NUS1: variants seen among roughly 807,000 people sequenced by gnomAD.
NUS1 encodes dehydrodolichyl diphosphate synthase complex subunit NUS1.
For missense variants in NUS1, 292 were observed against 382.9 expected (o/e 0.76, Z 1.98); for synonymous variants, 135 against 155.2 (o/e 0.87, Z 0.97).
intron 3 of NUS1, among the ~76,000 whole-genome samples, chr6:117,695,622 A>G (rs1386525979): frequency 6.6e-6 from 1 of 152,196 alleles, no homozygotes; most frequent in African/African-American, 2.4e-5. Flanking sequence ...GCTTAGGATA[A>G]ATGAAAATGT....
intron 1 of NUS1, among the ~76,000 whole-genome samples, chr6:117,685,916 C>T (rs538927556): frequency 7.4e-4 from 111 of 150,658 alleles, no homozygotes; most frequent in African/African-American, 2.7e-3. Flanking sequence ...GAGCCGAGAT[C>T]GCGCCATTGC....
intron 1 of NUS1, among the ~76,000 whole-genome samples, chr6:117,691,558 G>T (rs62431963): frequency 0.046 from 6,264 of 136,066 alleles, 253 homozygotes; most frequent in African/African-American, 0.071. Context: ...CATAGATATA[G>T]ATATATATAT....
intron 1 of NUS1, among the ~76,000 whole-genome samples, chr6:117,677,105 A>C (rs957132317): frequency 2.0e-5 from 3 of 152,170 alleles, no homozygotes; most frequent in African/African-American, 7.2e-5. Context: ...GAGTTTTTGT[A>C]AGTACAAAAA....
chr6:117,675,514 G>A lies in NUS1; in HGVS notation c.-157G>A. The A allele has an allele frequency of 2.9e-6, 2 of 688,124 alleles. No individual in the cohort carries two copies. The highest frequency in any genetic ancestry group is 4.8e-6 in the Non-Finnish European group (2 of 414,210). The allele number at this position is 688,124 out of a possible 1,614,324, so 42.6% of individuals were successfully genotyped here. On this transcript the variant is annotated 5_prime_UTR_variant, in exon 1 of 5. Coordinates refer to ENST00000368494, the MANE Select transcript of NUS1 (RefSeq NM_138459.5). ...GCCAAGGGAGGAGGAAGATGGCGGC[G>A]GGGGCGAGGTGAGGTGTTGGCAGTG...
chr6:117,688,643 G>A (rs141281733), intron 1 of NUS1, among the ~76,000 whole-genome samples: 1 of 152,184 alleles, frequency 6.6e-6, no homozygotes, highest in African/African-American at 2.4e-5. Context: ...TCATATAAGT[G>A]TTCCGAGAGC....
chr6:117,697,513 T>C (rs1016589905), intron 3 of NUS1, among the ~76,000 whole-genome samples: 4 of 152,010 alleles, frequency 2.6e-5, no homozygotes, highest in Non-Finnish European at 4.4e-5. Context: ...ACTATACTTA[T>C]ATCAGACAAA....
chr6:117,709,621 CCCT>C lies in NUS1; in HGVS notation c.*2613_*2615del, dbSNP rs1315657694. The C allele has an allele frequency of 2.6e-5, 4 of 151,772 alleles. No homozygotes were observed. Among genetic ancestry groups the C allele is most frequent in the Middle Eastern group, 3.4e-3 (1 of 294 alleles). 9.4% of individuals were successfully genotyped at this position (151,772 alleles called of 1,614,324 possible). A position where few individuals can be genotyped will look rare whatever the true frequency, so the allele number is the denominator to read the frequency against. ...TTGAATGTATGTTACTGGATTAGCT[CCCT>C]CCTCCTGTGTGATGGTACCATGCAT... On this transcript the variant is annotated 3_prime_UTR_variant, in exon 5 of 5. Coordinates refer to ENST00000368494, the MANE Select transcript of NUS1 (RefSeq NM_138459.5).
At chr6:117,705,716 G>A (rs539812029) in intron 4 of NUS1, among the ~76,000 whole-genome samples, 4 of 152,216 alleles carry the variant, frequency 2.6e-5, no homozygotes, top group East Asian at 3.9e-4. Flanking sequence ...TTGAAGAGTC[G>A]TAGGAGATGA....
chr6:117,685,964 T>TAA (rs374609117), intron 1 of NUS1, among the ~76,000 whole-genome samples: 4 of 104,180 alleles, frequency 3.8e-5, no homozygotes, highest in Admixed American at 1.0e-4. Context: ...TCCGTCTCAT[T>TAA]AAAAAAAAAA....
At chr6:117,703,958 G>A (rs1773464953) in intron 4 of NUS1, among the ~76,000 whole-genome samples, 1 of 152,168 alleles carries the variant, frequency 6.6e-6, no homozygotes, top group Non-Finnish European at 1.5e-5. Context: ...ACTGTAAAGG[G>A]TGTGGCTTGA....
At chr6:117,699,716 C>A (rs1773375110) in intron 3 of NUS1, among the ~76,000 whole-genome samples, 1 of 152,074 alleles carries the variant, frequency 6.6e-6, no homozygotes, top group Non-Finnish European at 1.5e-5. Flanking sequence ...GCAAAAAGAA[C>A]AAAACTGGAG....
chr6:117,704,632 T>G (rs1365436622), intron 4 of NUS1, among the ~76,000 whole-genome samples: 1 of 152,212 alleles, frequency 6.6e-6, no homozygotes, highest in Admixed American at 6.5e-5. Context: ...CCTTAAAATA[T>G]ATGTAAATGC....
intron 1 of NUS1, among the ~76,000 whole-genome samples, chr6:117,689,575 G>A (rs1487888426): frequency 6.7e-6 from 1 of 149,374 alleles, no homozygotes. Flanking sequence ...TTTTTTGTCT[G>A]TTTTAAAGAA....
intron 4 of NUS1, among the ~76,000 whole-genome samples, chr6:117,705,715 C>T (rs772426221): frequency 3.3e-5 from 5 of 151,804 alleles, no homozygotes; most frequent in African/African-American, 1.2e-4. Context: ...ATTGAAGAGT[C>T]GTAGGAGATG....
At chr6:117,678,326 G>A (rs951906735) in intron 1 of NUS1, among the ~76,000 whole-genome samples, 13 of 151,982 alleles carry the variant, frequency 8.6e-5, no homozygotes, top group Non-Finnish European at 1.3e-4. Flanking sequence ...GTTTTGATTC[G>A]TTCATACATT....
chr6:117,675,958 G>A lies in NUS1; in HGVS notation c.288G>A (p.Lys96=), dbSNP rs566608977. The A allele has an allele frequency of 9.7e-6, 15 of 1,547,666 alleles. No individual in the cohort carries two copies. The African/African-American group carries it at 1.9e-4, about 20-fold the overall frequency. The change falls in exon 1 of 5, where the codon AAG becomes AAA. Residue 96 remains lysine (K), a synonymous_variant. Coordinates refer to ENST00000368494, the MANE Select transcript of NUS1 (RefSeq NM_138459.5). The stretch of plus-strand genomic sequence containing the variant: ...GCGCGGACGGTCGTTCCTTGGAGAA[G>A]CTGCCTGTGCATATGGGCCTGGTGA... ...RWRADGRSLE[K]LPVHMGLVIT... is the part of the protein sequence containing the mutation.
At chr6:117,701,265 G>A (rs1362802898) in intron 3 of NUS1, among the ~76,000 whole-genome samples, 7 of 131,076 alleles carry the variant, frequency 5.3e-5, no homozygotes, top group African/African-American at 1.4e-4. Flanking sequence ...TTTTTTTTGA[G>A]ATGGAGTCTC....
rs34080794 is a variant in NUS1, at chr6:117,708,966, G to A, written c.*1951G>A. On this transcript the variant is annotated 3_prime_UTR_variant, in exon 5 of 5. Transcript: ENST00000368494. The stretch of plus-strand genomic sequence containing the variant: ...GTAAAGGTTTAATATTTGCATTTTC[G>A]TGCTTTTATTTTCTCCTTCCATTCA... 1 of 152,098 alleles carries A rather than the reference G, an allele frequency of 6.6e-6. No homozygotes were observed. Among genetic ancestry groups the A allele is most frequent in the African/African-American group, 2.4e-5 (1 of 41,448 alleles). The allele number at this position is 152,098 out of a possible 1,614,324, so 9.4% of individuals were successfully genotyped here. A position where few individuals can be genotyped will look rare whatever the true frequency, so the allele number is the denominator to read the frequency against.
chr6:117,688,699 G>A (rs905848340), intron 1 of NUS1, among the ~76,000 whole-genome samples: 9 of 152,146 alleles, frequency 5.9e-5, no homozygotes, highest in African/African-American at 2.2e-4. Context: ...GTTCACTCTC[G>A]GATGCCTACA....
Sources: gnomAD v4.1 joint callset for allele counts (sites outside exome capture counted in the v4.1 genomes callset) on GRCh38, gnomAD v4.1.1 for gene constraint, MANE v1.5 for transcripts, NCBI Gene and HGNC (gene_info 2026-07-23, HGNC 2026-07-21) for gene names.